The following GLG1 variants were observed in gnomAD, a reference collection of about 807,000 sequenced individuals.
GLG1 encodes the protein golgi glycoprotein 1, also known as Golgi apparatus protein 1.
A neutral mutation model predicts 160.5 loss-of-function variants in GLG1; 38 were observed. That is an observed-to-expected ratio of 0.24 (90% confidence interval 0.18 to 0.31). The LOEUF (loss-of-function observed/expected upper bound fraction) is 0.31, where lower values mean the gene tolerates loss of function less well. Among genes scored for constraint, GLG1 ranks in the 10% least tolerant of loss-of-function variants. The pLI, the probability that GLG1 is intolerant of heterozygous loss-of-function variation, is 1.00. For synonymous variants in GLG1, 644 were observed against 543.4 expected (o/e 1.19, Z -2.57); for missense variants, 1,373 against 1,505.2 (o/e 0.91, Z 1.45).
chr16:74,590,992 T>C (rs554385958), intron 1 of GLG1, among the ~76,000 whole-genome samples: 14 of 151,436 alleles, frequency 9.2e-5, no homozygotes, highest in Non-Finnish European at 2.1e-4. Flanking sequence ...AATGAAGTTG[T>C]GGATTTTCAA....
At chr16:74,577,775 G>A (rs971730379) in intron 1 of GLG1, among the ~76,000 whole-genome samples, 3 of 151,836 alleles carry the variant, frequency 2.0e-5, no homozygotes, top group African/African-American at 4.8e-5. Flanking sequence ...CACCATGACC[G>A]GTTAATTTTA....
At chr16:74,468,672 G>C (rs1216413756) in intron 17 of GLG1, 2 of 417,976 alleles carry the variant, frequency 4.8e-6, no homozygotes, top group Non-Finnish European at 8.9e-6. Context: ...CAGCCCCTGA[G>C]GACATTACTG....
chr16:74,469,673 G>C (rs996619031), intron 16 of GLG1: 1 of 336,126 alleles, frequency 3.0e-6, no homozygotes, highest in African/African-American at 2.0e-5. Flanking sequence ...AGGTCAGTTC[G>C]CCTCTTTCAC....
chr16:74,506,749 G>A (rs1189111473), intron 3 of GLG1, among the ~76,000 whole-genome samples: 3 of 152,078 alleles, frequency 2.0e-5, no homozygotes, highest in South Asian at 2.1e-4. Flanking sequence ...ACAACAGGGC[G>A]TGGTGTTAGA....
At chr16:74,487,105 G>C (rs1793350468) in intron 8 of GLG1, among the ~76,000 whole-genome samples, 1 of 152,084 alleles carries the variant, frequency 6.6e-6, no homozygotes, top group Non-Finnish European at 1.5e-5. Context: ...GTGGGGATGA[G>C]GTTTCGCCAC....
At chr16:74,606,224 C>T (rs999040079) in intron 1 of GLG1, among the ~76,000 whole-genome samples, 3 of 152,208 alleles carry the variant, frequency 2.0e-5, no homozygotes, top group Non-Finnish European at 4.4e-5. Context: ...TGCTAATAAA[C>T]AGATCATTCT....
In GLG1 at chr16:74,491,073, C is replaced by T. The variant is rs1063512; in HGVS notation, c.1377G>A (p.Gly459=). 10 of 1,614,040 alleles carry T rather than the reference C, an allele frequency of 6.2e-6. No individual in the cohort carries two copies. Among genetic ancestry groups the T allele is most frequent in the East Asian group, 2.2e-5 (1 of 44,888 alleles). ...EHHCSGLHRK[G]RTLHCLMKVV... ...CTTTCATCAGACAGTGTAGGGTCCG[C>T]CCTTTTCGATGTAATCCGGAACAAT... is the stretch of plus-strand genomic sequence containing the variant. The change falls in exon 8 of 26, where the codon GGG becomes GGA. Residue 459 remains glycine, a synonymous_variant. Transcript: ENST00000422840.
rs890283341 is a variant in GLG1, at chr16:74,452,588, C to T, written c.*579G>A. On this transcript the variant is annotated 3_prime_UTR_variant, in exon 26 of 26. Transcript: ENST00000422840. ...GCAGGACCCCACACAGCCTGGGGAA[C>T]GGCTGCCCACCCACGCCTCGGTGAA... 5 of 999,526 alleles carry T rather than the reference C, an allele frequency of 5.0e-6. No individual in the cohort carries two copies. Among genetic ancestry groups the T allele is most frequent in the East Asian group, 2.1e-4 (2 of 9,720 alleles). The allele number at this position is 999,526 out of a possible 1,614,324, so 61.9% of individuals were successfully genotyped here. A position where few individuals can be genotyped will look rare whatever the true frequency, so the allele number is the denominator to read the frequency against.
rs1164605960 is a variant in GLG1, at chr16:74,465,781, C to T, written c.2562G>A (p.Gln854=). 3 of 1,613,728 alleles carry T rather than the reference C, an allele frequency of 1.9e-6. No individual in the cohort carries two copies. Among genetic ancestry groups the T allele is most frequent in the African/African-American group, 2.7e-5 (2 of 74,898 alleles). ...CTTTTTGGTGGCAGCGGGTGCTTAG[C>T]TGCTTCTTGTTTTCTTTCAGACATT... ...IIECLKENKK[Q]LSTRCHQKVF... The change falls in exon 19 of 26, where the codon CAG becomes CAA. Residue 854 remains glutamine, a synonymous_variant. Transcript: ENST00000422840.
chr16:74,549,766 T>C (rs569394367), intron 1 of GLG1, among the ~76,000 whole-genome samples: 1 of 151,882 alleles, frequency 6.6e-6, no homozygotes, highest in Admixed American at 6.6e-5. Flanking sequence ...TGAGAAAAGT[T>C]TGGATGAAGT....
intron 2 of GLG1, among the ~76,000 whole-genome samples, chr16:74,513,863 A>C (rs188937141): frequency 1.1e-4 from 16 of 152,316 alleles, no homozygotes; most frequent in Admixed American, 3.9e-4. Flanking sequence ...AGCATGTTCT[A>C]ACCCATCAAA....
In GLG1 at chr16:74,571,971, A is replaced by C. The variant is rs559162888; in HGVS notation, c.438+34686T>G. On this transcript the variant is annotated intron_variant, in intron 1 of 25. Transcript: ENST00000422840. ...TTCCTGACGCACAGATCTAACTAAA[A>C]GCCTTGGAGTCTCAGAAGAGATAAC... is the stretch of plus-strand genomic sequence containing the variant. 6.6e-4 allele frequency among the ~76,000 whole-genome samples: 100 copies of C among 152,342 alleles called. 3 individuals are homozygous for C. In the South Asian group the frequency reaches 0.019, roughly 29 times the overall value.
intron 1 of GLG1, among the ~76,000 whole-genome samples, chr16:74,566,357 G>T (rs2018654317): frequency 6.6e-6 from 1 of 152,148 alleles, no homozygotes; most frequent in Admixed American, 6.5e-5. Context: ...TTATTTAACA[G>T]AATTTATTTT....
intron 9 of GLG1, 51 bp from the exon 10 acceptor site, chr16:74,483,175 T>C: frequency 2.0e-6 from 2 of 1,009,062 alleles, no homozygotes; most frequent in Non-Finnish European, 3.2e-6. Flanking sequence ...TTCAGAACTC[T>C]ATGTCAATAT....
intron 1 of GLG1, 146 bp from the exon 2 acceptor site, chr16:74,532,299 A>G (rs1445782358): frequency 3.0e-6 from 1 of 338,718 alleles, no homozygotes; most frequent in Non-Finnish European, 5.4e-6. Context: ...CTTCAACATA[A>G]GGAGTAAAAT....
At chr16:74,529,809 GTTCTTTTTTTTT>G (rs1329833371) in intron 2 of GLG1, among the ~76,000 whole-genome samples, 2 of 104,104 alleles carry the variant, frequency 1.9e-5, no homozygotes, top group African/African-American at 7.4e-5. Context: ...CTCTTTGAGA[GTTCTTTTTTTTT>G]TTTTTTTTTT....
intron 1 of GLG1, among the ~76,000 whole-genome samples, chr16:74,550,226 A>G (rs1293865092): frequency 2.0e-5 from 3 of 152,198 alleles, no homozygotes; most frequent in Non-Finnish European, 2.9e-5. Flanking sequence ...GTCATTCAAA[A>G]GCTTCTTCCT....
At chr16:74,598,087 G>C (rs1958349540) in intron 1 of GLG1, among the ~76,000 whole-genome samples, 2 of 152,086 alleles carry the variant, frequency 1.3e-5, no homozygotes. Context: ...GATTAAATGA[G>C]ATAACGCCTA....
intron 1 of GLG1, among the ~76,000 whole-genome samples, chr16:74,533,288 T>C (rs2017596932): frequency 6.6e-6 from 1 of 152,184 alleles, no homozygotes. Context: ...ACCACTGCAC[T>C]CCGGCCTGGG....
Sources: gnomAD v4.1 joint callset for allele counts (sites outside exome capture counted in the v4.1 genomes callset) on GRCh38, gnomAD v4.1.1 for gene constraint, MANE v1.5 for transcripts, NCBI Gene and HGNC (gene_info 2026-07-23, HGNC 2026-07-21) for gene names.